The following CHCHD6 variants were observed in gnomAD, a reference collection of about 807,000 sequenced individuals.
CHCHD6 encodes coiled-coil-helix-coiled-coil-helix domain containing 6, also known as MICOS complex subunit MIC25.
CHCHD6 carries 28 observed loss-of-function variants against 32.3 expected under a neutral mutation model. The ratio of observed to expected loss-of-function variants is 0.87; its 90% CI spans 0.64 to 1.19. The LOEUF (loss-of-function observed/expected upper bound fraction) is 1.19. Ranked by LOEUF, CHCHD6 falls within the 50% of genes most tolerant of loss-of-function variation. The probability of loss-of-function intolerance (pLI) is 0.00; values close to 1 mark genes in which losing one functional copy is unlikely to be tolerated. For synonymous variants in CHCHD6, 122 were observed against 117.5 expected, an observed-to-expected ratio of 1.04 and a Z score of -0.25; for missense variants, 333 against 307.0, an observed-to-expected ratio of 1.08 and a Z score of -0.63.
At chr3:126,902,102 A>G (rs920105640) in intron 5 of CHCHD6, among the ~76,000 whole-genome samples, 1 of 152,204 alleles carries the variant, frequency 6.6e-6, no homozygotes, top group Non-Finnish European at 1.5e-5. Context: ...CCTTACAACA[A>G]CGATTCTCAA....
intron 6 of CHCHD6, among the ~76,000 whole-genome samples, chr3:126,921,377 A>T (rs1229051613): frequency 6.6e-6 from 1 of 152,206 alleles, no homozygotes; most frequent in Non-Finnish European, 1.5e-5. Context: ...CAAAATGTGT[A>T]TGTACACCCC....
At chr3:126,877,168 A>G (rs141971565) in intron 5 of CHCHD6, among the ~76,000 whole-genome samples, 2 of 152,366 alleles carry the variant, frequency 1.3e-5, no homozygotes, top group East Asian at 1.9e-4. Flanking sequence ...ATTGTTACTC[A>G]TAGCGGGGAA....
chr3:126,805,974 G>A (rs1559855271), intron 4 of CHCHD6, among the ~76,000 whole-genome samples: 1 of 152,190 alleles, frequency 6.6e-6, no homozygotes, highest in Non-Finnish European at 1.5e-5. Context: ...ATAATAAATG[G>A]TGCTGGGAAA....
intron 1 of CHCHD6, among the ~76,000 whole-genome samples, chr3:126,707,722 G>C (rs758989202): frequency 3.9e-5 from 6 of 152,298 alleles, no homozygotes; most frequent in African/African-American, 1.4e-4. Context: ...GTCATGCATT[G>C]CTCCCATGAG....
At chr3:126,821,691 G>T (rs973421180) in intron 4 of CHCHD6, among the ~76,000 whole-genome samples, 4 of 152,082 alleles carry the variant, frequency 2.6e-5, no homozygotes, top group Non-Finnish European at 5.9e-5. Flanking sequence ...CCTCATGCTT[G>T]TTCTTGTCTG....
chr3:126,783,399 G>T (rs1938045673), intron 4 of CHCHD6, among the ~76,000 whole-genome samples: 1 of 152,192 alleles, frequency 6.6e-6, no homozygotes, highest in Non-Finnish European at 1.5e-5. Context: ...AGAAACAAGG[G>T]TGCCCACTCT....
chr3:126,917,059 T>A (rs1029075544), intron 6 of CHCHD6, among the ~76,000 whole-genome samples: 12 of 152,354 alleles, frequency 7.9e-5, no homozygotes, highest in Middle Eastern at 3.4e-3. Flanking sequence ...TGAATTTGGC[T>A]TTATTGTCAT....
chr3:126,839,854 T>A (rs899118424), intron 4 of CHCHD6, among the ~76,000 whole-genome samples: 2 of 152,174 alleles, frequency 1.3e-5, no homozygotes, highest in Non-Finnish European at 2.9e-5. Flanking sequence ...ATTTCCATGG[T>A]TTTTAGTGTG....
chr3:126,935,094 A>G (rs1028970786), intron 6 of CHCHD6: 2 of 986,000 alleles, frequency 2.0e-6, no homozygotes, highest in African/African-American at 1.7e-5. Flanking sequence ...CATTCGTTCC[A>G]GGGTTTACTT....
At chr3:126,931,007 G>A (rs79287428) in intron 6 of CHCHD6, among the ~76,000 whole-genome samples, 2,509 of 152,286 alleles carry the variant, frequency 0.016, 68 homozygotes, top group African/African-American at 0.055. Flanking sequence ...TTCCCGTCCC[G>A]CTGCACTCCC....
At chr3:126,791,702 C>T (rs1266320549) in intron 4 of CHCHD6, among the ~76,000 whole-genome samples, 6 of 152,232 alleles carry the variant, frequency 3.9e-5, no homozygotes, top group African/African-American at 7.2e-5. Context: ...CTCCACCTCC[C>T]AGGTTCAAGA....
chr3:126,923,391 T>C (rs1427186167), intron 6 of CHCHD6, among the ~76,000 whole-genome samples: 1 of 152,252 alleles, frequency 6.6e-6, no homozygotes, highest in Non-Finnish European at 1.5e-5. Context: ...ATATCTTATA[T>C]ATCTCCGTAT....
chr3:126,939,492 G>A (rs1489761577), intron 6 of CHCHD6, among the ~76,000 whole-genome samples: 1 of 152,184 alleles, frequency 6.6e-6, no homozygotes, highest in African/African-American at 2.4e-5. Flanking sequence ...GTGTGTTTGT[G>A]TGTGTGCCTG....
At chr3:126,868,060 G>T (rs369561198) in intron 5 of CHCHD6, among the ~76,000 whole-genome samples, 1 of 152,192 alleles carries the variant, frequency 6.6e-6, no homozygotes, top group African/African-American at 2.4e-5. Flanking sequence ...TCCCTGGAGC[G>T]CAAGGTCACC....
At chr3:126,944,855 T>C (rs1416603277) in intron 6 of CHCHD6, among the ~76,000 whole-genome samples, 1 of 152,178 alleles carries the variant, frequency 6.6e-6, no homozygotes, top group Non-Finnish European at 1.5e-5. Flanking sequence ...GGATGGAGAC[T>C]TACCTTCTCC....
intron 6 of CHCHD6, among the ~76,000 whole-genome samples, chr3:126,935,457 T>C (rs2078466138): frequency 6.6e-6 from 1 of 152,200 alleles, no homozygotes; most frequent in Non-Finnish European, 1.5e-5. Flanking sequence ...TGATGTTCCA[T>C]AGACAAGGAC....
At chr3:126,762,978 T>C (rs1559829097) in intron 4 of CHCHD6, among the ~76,000 whole-genome samples, 1 of 152,222 alleles carries the variant, frequency 6.6e-6, no homozygotes, top group South Asian at 2.1e-4. Flanking sequence ...GTATCCATTC[T>C]GCCAATCTCT....
chr3:126,909,740 A>G (rs1214958029), intron 5 of CHCHD6, among the ~76,000 whole-genome samples: 2 of 152,248 alleles, frequency 1.3e-5, no homozygotes, highest in Non-Finnish European at 2.9e-5. Context: ...GATGGGAAAG[A>G]AAATCACCCA....
intron 4 of CHCHD6, among the ~76,000 whole-genome samples, chr3:126,781,571 G>C (rs2107681274): frequency 6.6e-6 from 1 of 152,366 alleles, no homozygotes; most frequent in East Asian, 1.9e-4. Context: ...CAGTTGAGCA[G>C]CTGGGCATCA....
Sources: gnomAD v4.1 joint callset for allele counts (sites outside exome capture counted in the v4.1 genomes callset) on GRCh38, gnomAD v4.1.1 for gene constraint, MANE v1.5 for transcripts, NCBI Gene and HGNC (gene_info 2026-07-23, HGNC 2026-07-21) for gene names.